ATP2B2: variants seen among roughly 807,000 people sequenced by gnomAD.
ATP2B2 encodes ATPase plasma membrane Ca2+ transporting 2.
A neutral mutation model predicts 120.0 loss-of-function variants in ATP2B2; 15 were observed. The observed-to-expected ratio is 0.12, with a 90% confidence interval of 0.08 to 0.19. The LOEUF (loss-of-function observed/expected upper bound fraction) is 0.19, where lower values mean the gene tolerates loss of function less well. Among genes scored for constraint, ATP2B2 ranks in the 10% least tolerant of loss-of-function variants. The pLI is 1.00. For missense variants in ATP2B2, 1,045 were observed against 1,719.8 expected (o/e 0.61, Z 6.94); for synonymous variants, 694 against 700.3 (o/e 0.99, Z 0.14).
chr3:10,356,516 A>G (rs1328233008), intron 14 of ATP2B2, among the ~76,000 whole-genome samples: 3 of 152,230 alleles, frequency 2.0e-5, no homozygotes, highest in African/African-American at 4.8e-5. Context: ...GAGTCATGAC[A>G]TAAAATACAT....
At chr3:10,588,195 G>C (rs894853989) in intron 2 of ATP2B2, among the ~76,000 whole-genome samples, 1 of 152,200 alleles carries the variant, frequency 6.6e-6, no homozygotes, top group Non-Finnish European at 1.5e-5. Context: ...TCTTGATATG[G>C]GGCTGCCCTG....
intron 1 of ATP2B2, among the ~76,000 whole-genome samples, chr3:10,467,837 AC>A (rs146411676): frequency 0.012 from 1,835 of 151,758 alleles, 49 homozygotes; most frequent in African/African-American, 0.042. Flanking sequence ...TTTTATAACC[AC>A]CCCCTGCTGC....
At chr3:10,596,407 T>A (rs2068765404) in intron 2 of ATP2B2, among the ~76,000 whole-genome samples, 1 of 152,250 alleles carries the variant, frequency 6.6e-6, no homozygotes, top group Non-Finnish European at 1.5e-5. Context: ...GCTGAAGGAA[T>A]GAACTTCGTA....
chr3:10,618,007 T>C (rs1315619387), intron 2 of ATP2B2, among the ~76,000 whole-genome samples: 1 of 152,194 alleles, frequency 6.6e-6, no homozygotes, highest in Non-Finnish European at 1.5e-5. Flanking sequence ...AGACTGTGTC[T>C]AAGAAAATAC....
chr3:10,553,952 A>C (rs1254687622), intron 2 of ATP2B2, among the ~76,000 whole-genome samples: 2 of 148,098 alleles, frequency 1.4e-5, no homozygotes, highest in African/African-American at 5.0e-5. Context: ...TGTGAAAAGA[A>C]GCAAGAGATT....
intron 2 of ATP2B2, among the ~76,000 whole-genome samples, chr3:10,593,041 C>A (rs941165001): frequency 6.6e-6 from 1 of 152,248 alleles, no homozygotes; most frequent in Non-Finnish European, 1.5e-5. Flanking sequence ...CTGCCTTGAC[C>A]TCCCAAAGTG....
At chr3:10,538,827 G>T (rs1270652092) in intron 2 of ATP2B2, among the ~76,000 whole-genome samples, 2 of 152,182 alleles carry the variant, frequency 1.3e-5, no homozygotes, top group African/African-American at 4.8e-5. Flanking sequence ...AGACAGGGAT[G>T]CTCTCTCTCA....
chr3:10,641,450 C>G (rs1416530641), intron 1 of ATP2B2, among the ~76,000 whole-genome samples: 3 of 152,156 alleles, frequency 2.0e-5, no homozygotes, highest in Non-Finnish European at 1.5e-5. Flanking sequence ...GCCCAAGTCC[C>G]TAAATTTTCC....
intron 4 of ATP2B2, 123 bp downstream of exon 4, chr3:10,401,968 G>A: frequency 6.6e-7 from 1 of 1,514,104 alleles, no homozygotes; most frequent in Non-Finnish European, 9.0e-7. Flanking sequence ...AGACATCTTG[G>A]TTTGGGATCA....
chr3:10,477,855 G>A (rs2065261406), intron 1 of ATP2B2, among the ~76,000 whole-genome samples: 1 of 152,188 alleles, frequency 6.6e-6, no homozygotes, highest in African/African-American at 2.4e-5. Context: ...ATGAGCATGG[G>A]TGAACAAATA....
chr3:10,402,380 G>A lies in ATP2B2; in HGVS notation c.398-32C>T. On this transcript the variant is annotated intron_variant, in intron 3 of 22. Transcript: ENST00000360273. The surrounding 1 kb of genome is among the most constrained non-coding windows in gnomAD (Gnocchi z 4.9). ...GACCAGATAGAAGCAGGCAGAGTGA[G>A]GTCAACCAGACAGGAGAGGCCTCAT... 6.2e-7 allele frequency: 1 copy of A among 1,610,176 alleles called. No individual in the cohort carries two copies. The highest frequency in any genetic ancestry group is 2.2e-5 in the East Asian group (1 of 44,884).
intron 2 of ATP2B2, among the ~76,000 whole-genome samples, chr3:10,546,343 C>T (rs56044740): frequency 0.02 from 3,051 of 152,290 alleles, 52 homozygotes; most frequent in Admixed American, 0.041. Flanking sequence ...CACCTTCAGC[C>T]TCCCCTACAA....
chr3:10,465,354 G>T (rs996084660), intron 1 of ATP2B2, among the ~76,000 whole-genome samples: 1 of 152,266 alleles, frequency 6.6e-6, no homozygotes, highest in Non-Finnish European at 1.5e-5. Context: ...CAGCCTTGCA[G>T]TTGCCTTCTT....
At position 10,402,121 on chromosome 3, in the gene ATP2B2, C is replaced by G; in HGVS notation, c.625G>C (p.Val209Leu). Residue 209 changes from valine (V) to leucine (L), a missense_variant, in exon 4 of 23, where the codon GTG becomes CTG. Physicochemically the swap from Val to Leu is conservative, Grantham distance 32 (BLOSUM62 1). Coordinates refer to ENST00000360273, the MANE Select transcript of ATP2B2 (RefSeq NM_001001331.4). This position sits in a 1 kb window ranked among gnomAD's most constrained non-coding sequence, Gnocchi z 4.9. Reference sequence around the variant, plus strand: ...TTGACCTGGGCTATGTCCCCAACCACGATCTCAGCCACAGGGATCTGGACC... The same window carrying G: ...TTGACCTGGGCTATGTCCCCAACCAGGATCTCAGCCACAGGGATCTGGACC... ...QVVQIPVAEIVVGDIAQVKYG... is the reference protein window; with the variant it reads ...QVVQIPVAEILVGDIAQVKYG... 7 of 1,614,110 alleles carry G rather than the reference C, an allele frequency of 4.3e-6. No homozygotes were observed. The highest frequency in any genetic ancestry group is 1.1e-5 in the South Asian group (1 of 91,074).
intron 3 of ATP2B2, among the ~76,000 whole-genome samples, chr3:10,518,027 G>A (rs2066910478): frequency 7.2e-6 from 1 of 139,490 alleles, no homozygotes; most frequent in Non-Finnish European, 1.6e-5. Context: ...GGCACAGCAA[G>A]AATGAAGGTA....
intron 1 of ATP2B2, among the ~76,000 whole-genome samples, chr3:10,500,765 G>T (rs1276174635): frequency 6.6e-6 from 1 of 152,238 alleles, no homozygotes. Context: ...CACGTCTGTT[G>T]TTTGAAGCCA....
At position 10,484,442 on chromosome 3, in the gene ATP2B2, C is replaced by A. The variant is rs556575330; in HGVS notation, c.-320+21023G>T. 2.6e-5 allele frequency among the ~76,000 whole-genome samples: 4 copies of A among 152,184 alleles called. No homozygotes were observed. In the South Asian group the frequency reaches 8.3e-4, roughly 32 times the overall value. ...CCTGGGGATGCCCTCAGTGTCTCCC[C>A]GTACCCCCACAGCCACCTCACTGCT... is the stretch of plus-strand genomic sequence containing the variant. On this transcript the variant is annotated intron_variant, in intron 1 of 22. Transcript: ENST00000360273.
chr3:10,417,351 G>A (rs2062826833), intron 2 of ATP2B2, among the ~76,000 whole-genome samples: 2 of 151,690 alleles, frequency 1.3e-5, no homozygotes, highest in African/African-American at 4.8e-5. Flanking sequence ...CCCAGATGGT[G>A]CAGCAGCCGG....
intron 1 of ATP2B2, chr3:10,626,592 G>C (rs983443453): frequency 6.6e-6 from 1 of 151,812 alleles, no homozygotes; most frequent in African/African-American, 2.4e-5. Flanking sequence ...TGGATGGATG[G>C]ATGGATGGAT....
Sources: allele counts gnomAD v4.1 joint callset (sites outside exome capture counted in the v4.1 genomes callset), GRCh38; gene constraint gnomAD v4.1.1; non-coding constraint Gnocchi (gnomAD v3.1); transcripts MANE v1.5; gene names NCBI Gene and HGNC (gene_info 2026-07-23, HGNC 2026-07-21).